ZXDB: variants seen among roughly 807,000 people sequenced by gnomAD.
The protein encoded by ZXDB is zinc finger X-linked protein ZXDB.
For missense variants in ZXDB, 413 were observed against 679.1 expected, an observed-to-expected ratio of 0.61 and a Z score of 4.36; for synonymous variants, 273 against 314.3, an observed-to-expected ratio of 0.87 and a Z score of 1.39.
In ZXDB at chrX:57,592,412, G is replaced by A. The variant is rs199513692; in HGVS notation, c.364G>A (p.Glu122Lys). 45,668 of 892,108 alleles carry A rather than the reference G, an allele frequency of 0.051. 3 individuals are homozygous for A. The highest frequency in any genetic ancestry group is 0.19 in the Middle Eastern group (379 of 1,958). 73.5% of individuals were successfully genotyped at this position (892,108 alleles called of 1,213,427 possible). A position where few individuals can be genotyped will look rare whatever the true frequency, so the allele number is the denominator to read the frequency against. Residue 122 changes from glutamate (E) to lysine (K), a missense_variant, in exon 1 of 1, where the codon GAG becomes AAG. Transcript: ENST00000374888. Reference sequence around the variant, plus strand: ...AGGGCCTGTGTTGAGGGAGGAGGCCGAGGAGGGCCCGGGGCTCCAGGGGGG... The same window carrying A: ...AGGGCCTGTGTTGAGGGAGGAGGCCAAGGAGGGCCCGGGGCTCCAGGGGGG... ...AAGPVLREEAEEGPGLQGGES... is the reference protein window; with the variant it reads ...AAGPVLREEAKEGPGLQGGES...
chrX:57,594,883 A>T lies in ZXDB; in HGVS notation c.*423A>T, dbSNP rs1439604738. 3.9e-5 allele frequency: 5 copies of T among 128,925 alleles called. No individual in the cohort carries two copies. The highest frequency in any genetic ancestry group is 8.7e-5 in the Non-Finnish European group (5 of 57,209). 10.6% of individuals were successfully genotyped at this position (128,925 alleles called of 1,213,427 possible). A position where few individuals can be genotyped will look rare whatever the true frequency, so the allele number is the denominator to read the frequency against. ...ATAATGTTACATCATACTATGATGA[A>T]CATCCATGTACTTTTCACTCAATTT... On this transcript the variant is annotated 3_prime_UTR_variant, in exon 1 of 1. Coordinates refer to ENST00000374888, the MANE Select transcript of ZXDB (RefSeq NM_007157.4).
Position 57,592,234 on chromosome X carries a change from C to A in ZXDB, c.186C>A (p.Ala62=), listed in dbSNP as rs1194420286. 1 of 1,144,850 alleles carries A rather than the reference C, an allele frequency of 8.7e-7. No homozygotes were observed. The allele number at this position is 1,144,850 out of a possible 1,213,427, so 94.3% of individuals were successfully genotyped here. A position where few individuals can be genotyped will look rare whatever the true frequency, so the allele number is the denominator to read the frequency against. ...DGGPGRRREE[A]STASRGPGPS... ...GGCCCGGGCGGCGGCGCGAGGAGGCCAGCACGGCATCACGGGGCCCTGGCC... is the reference window on the plus strand; with the variant it reads ...GGCCCGGGCGGCGGCGCGAGGAGGCAAGCACGGCATCACGGGGCCCTGGCC... The change falls in exon 1 of 1, where the codon GCC becomes GCA. Residue 62 remains alanine, a synonymous_variant. Coordinates refer to ENST00000374888, the MANE Select transcript of ZXDB (RefSeq NM_007157.4).
In ZXDB at chrX:57,592,793, G is replaced by A. The variant is rs2057899540; in HGVS notation, c.745G>A (p.Ala249Thr). Reference sequence around the variant, plus strand: ...GCCAGCTCCGGCGCCTGAGGAGGAGGCGGAGGGCCCGGCCGCCGCCCTGGG... The same window carrying A: ...GCCAGCTCCGGCGCCTGAGGAGGAGACGGAGGGCCCGGCCGCCGCCCTGGG... ...PAPAPAPEEEAEGPAAALGPR... is the reference protein window; with the variant it reads ...PAPAPAPEEETEGPAAALGPR... The change falls in exon 1 of 1, where the codon GCG becomes ACG. Residue 249 changes from alanine (A) to threonine (T), a missense_variant. Ala to Thr is a moderately conservative substitution (Grantham distance 58). Transcript: ENST00000374888. 1 of 1,147,374 alleles carries A rather than the reference G, an allele frequency of 8.7e-7. No homozygotes were observed. 94.6% of individuals were successfully genotyped at this position (1,147,374 alleles called of 1,213,427 possible).
In ZXDB at chrX:57,594,492, T is replaced by A. The variant is rs746406996; in HGVS notation, c.*32T>A. ...TCTATTCATTCCTCATCATGTGGCT[T>A]ACTTTTATTACAGTCAATTTTGAGG... is the stretch of plus-strand genomic sequence containing the variant. On this transcript the variant is annotated 3_prime_UTR_variant, in exon 1 of 1. Transcript: ENST00000374888. 1.6e-5 allele frequency: 18 copies of A among 1,159,031 alleles called. No individual in the cohort carries two copies. The highest frequency in any genetic ancestry group is 5.4e-5 in the African/African-American group (3 of 55,178).
rs1294660343 is a variant in ZXDB at position 57,595,418 on chromosome X, CATGA to C, written c.*962_*965del. On this transcript the variant is annotated 3_prime_UTR_variant, in exon 1 of 1. Transcript: ENST00000374888. ...GATGAGATTGAAACATGGCTTTTGGCATGAATGTTTCATAGGTTATGTTGTGTTC... is the reference window on the plus strand; with the variant it reads ...GATGAGATTGAAACATGGCTTTTGGCATGTTTCATAGGTTATGTTGTGTTC... The C allele has an allele frequency of 8.1e-6, 1 of 122,874 alleles. No individual in the cohort carries two copies. The highest frequency in any genetic ancestry group is 4.1e-3 in the Middle Eastern group (1 of 242). The allele number at this position is 122,874 out of a possible 1,213,427, so 10.1% of individuals were successfully genotyped here.
chrX:57,592,413 A>C lies in ZXDB; in HGVS notation c.365A>C (p.Glu122Ala), dbSNP rs1247007371. Residue 122 changes from glutamate (E) to alanine (A), a missense_variant, in exon 1 of 1, where the codon GAG becomes GCG. Transcript: ENST00000374888. ...GGGCCTGTGTTGAGGGAGGAGGCCG[A>C]GGAGGGCCCGGGGCTCCAGGGGGGC... ...AAGPVLREEA[E>A]EGPGLQGGES... The C allele has an allele frequency of 8.5e-7, 1 of 1,170,319 alleles. No individual in the cohort carries two copies. Among genetic ancestry groups the C allele is most frequent in the East Asian group, 3.2e-5 (1 of 30,799 alleles).
rs753305126 is a variant in ZXDB at position 57,592,358 on chromosome X, G to A, written c.310G>A (p.Val104Met). The change falls in exon 1 of 1, where the codon GTG becomes ATG. Residue 104 changes from valine to methionine, a missense_variant. Transcript: ENST00000374888. ...GCTGCTTGACCCGGTGGGTGGCGAC[G>A]TGGAGACCGCGGGCTCCGGTCAGGC... is the stretch of plus-strand genomic sequence containing the variant. ...LVLLDPVGGD[V>M]ETAGSGQAAG... is the part of the protein sequence containing the mutation. 5 of 1,191,017 alleles carry A rather than the reference G, an allele frequency of 4.2e-6. No homozygotes were observed. The highest frequency in any genetic ancestry group is 5.6e-6 in the Non-Finnish European group (5 of 889,691).
Position 57,594,695 on chromosome X carries a change from G to C in ZXDB, c.*235G>C, listed in dbSNP as rs2147344437. On this transcript the variant is annotated 3_prime_UTR_variant, in exon 1 of 1. Coordinates refer to ENST00000374888, the MANE Select transcript of ZXDB (RefSeq NM_007157.4). ...GCCTTAATTTCCTTATTTATAAATTGAGGTGGTTTGAATAGATTGCTTTTA... is the reference window on the plus strand; with the variant it reads ...GCCTTAATTTCCTTATTTATAAATTCAGGTGGTTTGAATAGATTGCTTTTA... 5.3e-6 allele frequency: 2 copies of C among 379,067 alleles called. No homozygotes were observed. The highest frequency in any genetic ancestry group is 7.5e-4 in the Middle Eastern group (1 of 1,341). 31.2% of individuals were successfully genotyped at this position (379,067 alleles called of 1,213,427 possible).
chrX:57,593,816 C>T lies in ZXDB; in HGVS notation c.1768C>T (p.Pro590Ser). Residue 590 changes from proline (P) to serine (S), a missense_variant, in exon 1 of 1, where the codon CCC (proline) becomes TCC (serine). Transcript: ENST00000374888. The part of the protein sequence containing the change: ...AQLEAANSLT[P>S]SSELTSQRQN... The stretch of plus-strand genomic sequence containing the variant: ...GCTAGAAGCAGCAAATTCTCTCACA[C>T]CCAGCAGTGAACTTACCAGCCAGAG... The T allele has an allele frequency of 8.3e-7, 1 of 1,211,690 alleles. No individual in the cohort carries two copies. Among genetic ancestry groups the T allele is most frequent in the Non-Finnish European group, 1.1e-6 (1 of 895,421 alleles).
At position 57,595,896 on chromosome X, in the gene ZXDB, A is replaced by C. The variant is rs1356437462; in HGVS notation, c.*1436A>C. 8.1e-6 allele frequency: 1 copy of C among 123,385 alleles called. No individual in the cohort carries two copies. The allele number at this position is 123,385 out of a possible 1,213,427, so 10.2% of individuals were successfully genotyped here. A position where few individuals can be genotyped will look rare whatever the true frequency, so the allele number is the denominator to read the frequency against. ...CACACACATACCTGACACACTGTTA[A>C]ATTTTCTTCTCTTCCTGTTTCTTAT... On this transcript the variant is annotated 3_prime_UTR_variant, in exon 1 of 1. Coordinates refer to ENST00000374888, the MANE Select transcript of ZXDB (RefSeq NM_007157.4).
At position 57,592,027 on chromosome X, in the gene ZXDB, G is replaced by A. The variant is rs972563458; in HGVS notation, c.-22G>A. 1.6e-5 allele frequency: 16 copies of A among 1,023,629 alleles called. No individual in the cohort carries two copies. Among genetic ancestry groups the A allele is most frequent in the Non-Finnish European group, 2.0e-5 (16 of 804,108 alleles). 84.4% of individuals were successfully genotyped at this position (1,023,629 alleles called of 1,213,427 possible). A position where few individuals can be genotyped will look rare whatever the true frequency, so the allele number is the denominator to read the frequency against. On this transcript the variant is annotated 5_prime_UTR_variant, in exon 1 of 1. Transcript: ENST00000374888. The stretch of plus-strand genomic sequence containing the variant: ...CGCCTCCTCCTCGGCTCTGGTTCCA[G>A]CCGAGCCTCTCGGACGCAGAGATGG...
In ZXDB at chrX:57,596,225, A is replaced by G. The variant is rs1444579450; in HGVS notation, c.*1765A>G. 8.1e-6 allele frequency: 1 copy of G among 123,175 alleles called. No individual in the cohort carries two copies. Among genetic ancestry groups the G allele is most frequent in the Non-Finnish European group, 1.9e-5 (1 of 53,230 alleles). 10.2% of individuals were successfully genotyped at this position (123,175 alleles called of 1,213,427 possible). ...TATCTCTCCATTCGATCAGTTTGTC[A>G]CCATCTTTGCTCTGTTTTGAAAGTC... On this transcript the variant is annotated 3_prime_UTR_variant, in exon 1 of 1. Transcript: ENST00000374888.
chrX:57,592,595 G>T lies in ZXDB; in HGVS notation c.547G>T (p.Gly183Cys). ...NQDLLLRFENGVLTLATPPPH... is the reference protein window; with the variant it reads ...NQDLLLRFENCVLTLATPPPH... ...GGACCTGCTGTTGCGCTTTGAGAAC[G>T]GCGTCCTCACCCTGGCCACGCCCCC... The change falls in exon 1 of 1, where the codon GGC becomes TGC. Residue 183 changes from glycine to cysteine, a missense_variant. Transcript: ENST00000374888. 6 of 1,199,058 alleles carry T rather than the reference G, an allele frequency of 5.0e-6. No individual in the cohort carries two copies. Among genetic ancestry groups the T allele is most frequent in the African/African-American group, 1.8e-5 (1 of 56,281 alleles).
chrX:57,597,334 A>G lies in ZXDB; in HGVS notation c.*2874A>G, dbSNP rs2057913536. On this transcript the variant is annotated 3_prime_UTR_variant, in exon 1 of 1. Coordinates refer to ENST00000374888, the MANE Select transcript of ZXDB (RefSeq NM_007157.4). ...CTTTGCTCTGGAAATATTTGTACTC[A>G]TATAGCATATTTCAAAAATGTTGTC... The G allele has an allele frequency of 8.1e-6, 1 of 123,588 alleles. No homozygotes were observed. The highest frequency in any genetic ancestry group is 1.9e-5 in the Non-Finnish European group (1 of 53,321). The allele number at this position is 123,588 out of a possible 1,213,427, so 10.2% of individuals were successfully genotyped here.
rs757672486 is a variant in ZXDB at position 57,592,753 on chromosome X, G to C, written c.705G>C (p.Glu235Asp). ...PELPPDLLLA[E>D]PAEPAPAPAP... Reference sequence around the variant, plus strand: ...TGCCGCCAGACCTCCTGCTAGCTGAGCCGGCCGAACCCGCGCCAGCTCCGG... The same window carrying C: ...TGCCGCCAGACCTCCTGCTAGCTGACCCGGCCGAACCCGCGCCAGCTCCGG... Residue 235 changes from glutamate to aspartate, a missense_variant, in exon 1 of 1, where the codon GAG becomes GAC. Transcript: ENST00000374888. 1.2e-5 allele frequency: 14 copies of C among 1,155,966 alleles called. No homozygotes were observed. Among genetic ancestry groups the C allele is most frequent in the Non-Finnish European group, 3.4e-6 (3 of 871,483 alleles).
Position 57,592,807 on chromosome X carries a change from C to G in ZXDB, c.759C>G (p.Ala253=). ...PAPEEEAEGP[A]AALGPRGPLG... ...CTGAGGAGGAGGCGGAGGGCCCGGC[C>G]GCCGCCCTGGGCCCCCGCGGACCGC... Residue 253 remains alanine, a synonymous_variant, in exon 1 of 1, where the codon GCC becomes GCG. Coordinates refer to ENST00000374888, the MANE Select transcript of ZXDB (RefSeq NM_007157.4). 1 of 1,145,330 alleles carries G rather than the reference C, an allele frequency of 8.7e-7. No homozygotes were observed. The highest frequency in any genetic ancestry group is 1.2e-6 in the Non-Finnish European group (1 of 866,241). 94.4% of individuals were successfully genotyped at this position (1,145,330 alleles called of 1,213,427 possible). A position where few individuals can be genotyped will look rare whatever the true frequency, so the allele number is the denominator to read the frequency against.
Position 57,593,147 on chromosome X carries a change from G to A in ZXDB, c.1099G>A (p.Glu367Lys). 5.8e-6 allele frequency: 7 copies of A among 1,211,849 alleles called. No individual in the cohort carries two copies. Among genetic ancestry groups the A allele is most frequent in the Non-Finnish European group, 7.8e-6 (7 of 895,585 alleles). The change falls in exon 1 of 1, where the codon GAG becomes AAG. Residue 367 changes from glutamate (E) to lysine (K), a missense_variant. Physicochemically the swap from Glu to Lys is moderately conservative, Grantham distance 56. Coordinates refer to ENST00000374888, the MANE Select transcript of ZXDB (RefSeq NM_007157.4). ...TGAGCAGGAGAACTCATTCAAATGC[G>A]AGGTGTGCGAGGAGAGCTTCCCCAC... Reference protein sequence around the residue: ...GHEQENSFKCEVCEESFPTQA... With the variant: ...GHEQENSFKCKVCEESFPTQA...
chrX:57,592,867 C>G lies in ZXDB; in HGVS notation c.819C>G (p.Cys273Trp). The change falls in exon 1 of 1, where the codon TGC (cysteine) becomes TGG (tryptophan). Residue 273 changes from cysteine to tryptophan, a missense_variant. By Grantham distance (215) the Cys-to-Trp change is radical. Transcript: ENST00000374888. ...GSGPGVVLYL[C>W]PEAQCGQTFA... ...GCCCAGGCGTGGTGCTGTACTTGTG[C>G]CCCGAGGCGCAGTGCGGGCAAACCT... 1 of 1,179,477 alleles carries G rather than the reference C, an allele frequency of 8.5e-7. No individual in the cohort carries two copies. Among genetic ancestry groups the G allele is most frequent in the Non-Finnish European group, 1.1e-6 (1 of 880,088 alleles).
Position 57,592,666 on chromosome X carries a change from G to A in ZXDB, c.618G>A (p.Gly206=). ...EPGAAPAQQP[G]CLIAPQAGFP... ...GGGCCGCTCCTGCCCAGCAGCCCGG[G>A]TGTCTGATCGCCCCGCAAGCTGGGT... Residue 206 remains glycine (G), a synonymous_variant, in exon 1 of 1, where the codon GGG becomes GGA. Transcript: ENST00000374888. 1 of 1,191,844 alleles carries A rather than the reference G, an allele frequency of 8.4e-7. No individual in the cohort carries two copies. The highest frequency in any genetic ancestry group is 1.1e-6 in the Non-Finnish European group (1 of 888,062).
Sources: gnomAD v4.1 joint callset for allele counts on GRCh38, gnomAD v4.1.1 for gene constraint, MANE v1.5 for transcripts, NCBI Gene and HGNC (gene_info 2026-07-23, HGNC 2026-07-21) for gene names.